The following RFC1 variants were observed in gnomAD, a reference collection of about 807,000 sequenced individuals.
The protein encoded by RFC1 is replication factor C subunit 1.
Under a neutral mutation model 137.4 loss-of-function variants are expected in RFC1, and 37 were observed. The ratio of observed to expected loss-of-function variants is 0.27; its 90% confidence interval spans 0.21 to 0.35. RFC1 has a LOEUF of 0.35. Among genes scored for constraint, RFC1 ranks in the 10% least tolerant of loss-of-function variants. The pLI, the probability that RFC1 is intolerant of heterozygous loss-of-function variation, is 1.00. For missense variants in RFC1, 1,205 were observed against 1,358.5 expected, an observed-to-expected ratio of 0.89 and a Z score of 1.78; for synonymous variants, 429 against 455.7, an observed-to-expected ratio of 0.94 and a Z score of 0.75.
Position 39,302,288 on chromosome 4 carries a change from T to A in RFC1, c.2525A>T (p.Asp842Val). ...GGACATTTATTTTACCATTTTGATA[T>A]CCTTTTTGGCTCTGTGAGAATCAGC... ...AKADSHRAKKDIKMGPFDVAR... is the reference protein window; with the variant it reads ...AKADSHRAKKVIKMGPFDVAR... Residue 842 changes from aspartate (D) to valine (V), a missense_variant, in exon 19 of 25, where the codon GAT (aspartate) becomes GTT (valine). Around this residue, in one of 3 missense-constraint regions of RFC1, gnomAD observed 962 missense variants for 1,035.3 expected, o/e 0.93. Coordinates refer to ENST00000349703, the MANE Select transcript of RFC1 (RefSeq NM_002913.5). The A allele has an allele frequency of 6.2e-7, 1 of 1,605,662 alleles. No individual in the cohort carries two copies. The highest frequency in any genetic ancestry group is 8.5e-7 in the Non-Finnish European group (1 of 1,172,290).
chr4:39,343,852 C>T lies in RFC1; in HGVS notation c.209-1385G>A, dbSNP rs17287977. ...GAAGGCCGGGTGTGGTGGCTCATGC[C>T]TGTAATCCCGACACTTTGGGAGGCC... On this transcript the variant is annotated intron_variant, in intron 3 of 24. Transcript: ENST00000349703. 1.4e-4 allele frequency among the ~76,000 whole-genome samples: 21 copies of T among 152,210 alleles called. No individual in the cohort carries two copies. The East Asian group carries it at 4.1e-3, about 29-fold the overall frequency.
At chr4:39,321,447 T>C in intron 7 of RFC1, 73 bp from the exon 8 acceptor site, 2 of 1,414,858 alleles carry the variant, frequency 1.4e-6, no homozygotes, top group Non-Finnish European at 2.0e-6. Flanking sequence ...GTTGTTAAAA[T>C]CCATCAAAAT....
chr4:39,353,795 C>T (rs1741331308), intron 1 of RFC1, among the ~76,000 whole-genome samples: 1 of 152,192 alleles, frequency 6.6e-6, no homozygotes, highest in Admixed American at 6.5e-5. Flanking sequence ...TGTTTAAACA[C>T]ATACACACAA....
chr4:39,364,802 G>A lies in RFC1; in HGVS notation c.3+1437C>T, dbSNP rs1213110575. Reference sequence around the variant, plus strand: ...CCCCTCTTTTACAGATAAGGAAACAGAGGCTTAAAGAGATTAAACTTAAGC... The same window carrying A: ...CCCCTCTTTTACAGATAAGGAAACAAAGGCTTAAAGAGATTAAACTTAAGC... On this transcript the variant is annotated intron_variant, in intron 1 of 24. Coordinates refer to ENST00000349703, the MANE Select transcript of RFC1 (RefSeq NM_002913.5). Among the ~76,000 whole-genome samples the A allele has an allele frequency of 3.9e-5, 6 of 152,154 alleles. No individual in the cohort carries two copies. The East Asian group carries it at 1.2e-3, about 29-fold the overall frequency.
Position 39,323,397 on chromosome 4 carries a change from T to C in RFC1, c.663A>G (p.Glu221=). 6.2e-7 allele frequency: 1 copy of C among 1,614,092 alleles called. No individual in the cohort carries two copies. Among genetic ancestry groups the C allele is most frequent in the Non-Finnish European group, 8.5e-7 (1 of 1,179,960 alleles). Residue 221 remains glutamate (E), a synonymous_variant, in exon 7 of 25, where the codon GAA becomes GAG. Coordinates refer to ENST00000349703, the MANE Select transcript of RFC1 (RefSeq NM_002913.5). ...CTAATGTTCTGGCAAACTCTTCATC[T>C]TCATGCAACTGCCTCTCCAGCTGTA... The part of the protein sequence containing the change: ...EDAELERQLH[E]DEEFARTLAM...
At chr4:39,364,266 GAAAA>G (rs34831204) in intron 1 of RFC1, among the ~76,000 whole-genome samples, 2 of 144,654 alleles carry the variant, frequency 1.4e-5, no homozygotes, top group Non-Finnish European at 3.0e-5. Flanking sequence ...CAGTCTGAGG[GAAAA>G]AAAAAAAAAA....
At chr4:39,294,535 G>T (rs1263270995) in intron 22 of RFC1, among the ~76,000 whole-genome samples, 2 of 152,008 alleles carry the variant, frequency 1.3e-5, no homozygotes, top group Non-Finnish European at 2.9e-5. Flanking sequence ...GCCAGGTGTG[G>T]TGGCATGCAC....
intron 21 of RFC1, among the ~76,000 whole-genome samples, chr4:39,297,302 G>T (rs1484435769): frequency 4.6e-3 from 329 of 71,374 alleles, no homozygotes; most frequent in Admixed American, 5.6e-3. Flanking sequence ...CATTGCTTTT[G>T]GTGTTTTGGA....
Position 39,288,771 on chromosome 4 carries a change from G to A in RFC1, c.3434C>T (p.Ser1145Leu), listed in dbSNP as rs17288828. 1.1e-3 allele frequency: 1,737 copies of A among 1,608,774 alleles called. 2 individuals are homozygous for A. Among genetic ancestry groups the A allele is most frequent in the Non-Finnish European group, 1.4e-3 (1,619 of 1,175,848 alleles). The change falls in exon 25 of 25, where the codon TCG (serine) becomes TTG (leucine). Residue 1145 changes from serine to leucine, a missense_variant. Ser to Leu is a moderately radical substitution (Grantham distance 145). Transcript: ENST00000349703. The stretch of plus-strand genomic sequence containing the variant: ...TAGTGAAAAATGGTTTCATTTCTTC[G>A]AACTTTTTCCTTTTCCTTTTCTGGG... ...KEPRKGKGKS[S>L]KK is the part of the protein sequence containing the mutation.
chr4:39,353,221 T>C (rs556905771), intron 1 of RFC1, among the ~76,000 whole-genome samples: 1 of 152,004 alleles, frequency 6.6e-6, no homozygotes, highest in African/African-American at 2.4e-5. Context: ...GTCAACATGG[T>C]GAAATCCCAT....
At chr4:39,323,875 T>TA (rs1739638653) in intron 6 of RFC1, among the ~76,000 whole-genome samples, 1 of 152,210 alleles carries the variant, frequency 6.6e-6, no homozygotes, top group Admixed American at 6.5e-5. Context: ...TATAGTAAGC[T>TA]ATATACAAAT....
Position 39,287,485 on chromosome 4 carries a change from A to G in RFC1, c.*1276T>C, listed in dbSNP as rs1737434857. ...GGCTTAGGCAATGTTTTATTTCCATAATGAATTAATCTCCATAAATGACAT... is the reference window on the plus strand; with the variant it reads ...GGCTTAGGCAATGTTTTATTTCCATGATGAATTAATCTCCATAAATGACAT... On this transcript the variant is annotated 3_prime_UTR_variant, in exon 25 of 25. Coordinates refer to ENST00000349703, the MANE Select transcript of RFC1 (RefSeq NM_002913.5). The G allele has an allele frequency of 6.6e-6, 1 of 152,220 alleles. No individual in the cohort carries two copies. The highest frequency in any genetic ancestry group is 2.4e-5 in the African/African-American group (1 of 41,464). The allele number at this position is 152,220 out of a possible 1,614,324, so 9.4% of individuals were successfully genotyped here.
In RFC1 at chr4:39,327,635, C is replaced by A. The variant is rs1739845798; in HGVS notation, c.453G>T (p.Lys151Asn). 1 of 1,613,612 alleles carries A rather than the reference C, an allele frequency of 6.2e-7. No homozygotes were observed. The highest frequency in any genetic ancestry group is 1.1e-5 in the South Asian group (1 of 91,066). ...GTTTTATTGGTGATAAAGGCTTATTCTTGGTCTTAGTGTTTTCTTCATTCT... is the reference window on the plus strand; with the variant it reads ...GTTTTATTGGTGATAAAGGCTTATTATTGGTCTTAGTGTTTTCTTCATTCT... ...MKKNEENTKT[K>N]NKPLSPIKLT... Residue 151 changes from lysine (K) to asparagine (N), a missense_variant, in exon 5 of 25, where the codon AAG becomes AAT. Coordinates refer to ENST00000349703, the MANE Select transcript of RFC1 (RefSeq NM_002913.5).
intron 3 of RFC1, among the ~76,000 whole-genome samples, chr4:39,343,833 C>G (rs1740719566): frequency 6.6e-6 from 1 of 152,016 alleles, no homozygotes; most frequent in Admixed American, 6.6e-5. Flanking sequence ...ACCAGAAGGC[C>G]GGGTGTGGTG....
rs1219485386 is a variant in RFC1 at position 39,288,168 on chromosome 4, A to G, written c.*593T>C. ...AATAAGGAAGTAATATACCAACATA[A>G]TATTTTGCTGTACAAGATGACAATC... is the stretch of plus-strand genomic sequence containing the variant. On this transcript the variant is annotated 3_prime_UTR_variant, in exon 25 of 25. Transcript: ENST00000349703. 6.6e-6 allele frequency: 1 copy of G among 152,212 alleles called. No homozygotes were observed. The highest frequency in any genetic ancestry group is 1.9e-4 in the East Asian group (1 of 5,202). 9.4% of individuals were successfully genotyped at this position (152,212 alleles called of 1,614,324 possible).
chr4:39,293,998 C>T (rs1737838360), intron 22 of RFC1, among the ~76,000 whole-genome samples: 1 of 152,204 alleles, frequency 6.6e-6, no homozygotes, highest in Non-Finnish European at 1.5e-5. Context: ...ACCTTTCTGA[C>T]TCTGACACTA....
intron 22 of RFC1, among the ~76,000 whole-genome samples, chr4:39,295,106 A>C (rs1450197363): frequency 6.6e-6 from 1 of 152,228 alleles, no homozygotes; most frequent in African/African-American, 2.4e-5. Flanking sequence ...AGTATTTTTG[A>C]ACTTCCTTAA....
intron 1 of RFC1, among the ~76,000 whole-genome samples, chr4:39,355,555 C>T (rs1027202280): frequency 7.9e-6 from 1 of 126,042 alleles, no homozygotes; most frequent in Admixed American, 9.5e-5. Context: ...TGCAAATAGC[C>T]AACACACATA....
intron 7 of RFC1, chr4:39,323,063 C>A (rs1233005511): frequency 5.4e-6 from 1 of 185,082 alleles, no homozygotes; most frequent in Non-Finnish European, 1.1e-5. Context: ...TCATGAGAGA[C>A]CCTGTCTCTA....
Sources: gnomAD v4.1 joint callset for allele counts (sites outside exome capture counted in the v4.1 genomes callset) on GRCh38, gnomAD v4.1.1 for gene constraint, gnomAD v4.1.1 regional missense constraint, MANE v1.5 for transcripts, NCBI Gene and HGNC (gene_info 2026-07-23, HGNC 2026-07-21) for gene names.